Variants in TIAM1 observed in about 807,000 individuals in gnomAD.
TIAM1 encodes the protein rho guanine nucleotide exchange factor TIAM1.
TIAM1 carries 65 observed loss-of-function variants against 163.5 expected under a neutral mutation model. The ratio of observed to expected loss-of-function variants is 0.40; its 90% CI spans 0.33 to 0.49. The LOEUF (loss-of-function observed/expected upper bound fraction) is 0.49. Ranked by LOEUF, TIAM1 falls within the 20% of genes least tolerant of loss-of-function variation. The pLI is 0.77. For missense variants in TIAM1, 1,789 were observed against 2,044.7 expected, an observed-to-expected ratio of 0.87 and a Z score of 2.41; for synonymous variants, 833 against 810.1, an observed-to-expected ratio of 1.03 and a Z score of -0.48.
At chr21:31,388,130 C>A (rs1263182169) in intron 2 of TIAM1, among the ~76,000 whole-genome samples, 1 of 151,302 alleles carries the variant, frequency 6.6e-6, no homozygotes, top group South Asian at 2.1e-4. Context: ...GTGCTGTCTG[C>A]AAAACAACGA....
At chr21:31,537,308 C>A (rs1257500761) in intron 1 of TIAM1, among the ~76,000 whole-genome samples, 1 of 151,994 alleles carries the variant, frequency 6.6e-6, no homozygotes, top group African/African-American at 2.4e-5. Context: ...GGTCTTGGGA[C>A]TGAAGAGGAG....
chr21:31,348,911 A>G (rs1245823394), upstream of TIAM1, among the ~76,000 whole-genome samples: 1 of 152,208 alleles, frequency 6.6e-6, no homozygotes, highest in African/African-American at 2.4e-5. Flanking sequence ...AGTTTTCTCT[A>G]TCTGAAAACA....
At chr21:31,396,744 G>A (rs1379266169) in intron 2 of TIAM1, among the ~76,000 whole-genome samples, 1 of 151,898 alleles carries the variant, frequency 6.6e-6, no homozygotes, top group African/African-American at 2.4e-5. Context: ...GAGGTCAGGA[G>A]CTCAAGACCA....
At chr21:31,467,700 G>A (rs1487116321) in intron 1 of TIAM1, among the ~76,000 whole-genome samples, 1 of 151,920 alleles carries the variant, frequency 6.6e-6, no homozygotes, top group Non-Finnish European at 1.5e-5. Flanking sequence ...TGGCATGCCT[G>A]TAGTCCCAGC....
Position 31,395,399 on chromosome 21 carries a change from G to A in TIAM1, c.-368-55977C>T, listed in dbSNP as rs567599827. On this transcript the variant is annotated intron_variant, in intron 2 of 28. Transcript: ENST00000286827. The surrounding 1 kb of genome is among the most constrained non-coding windows in gnomAD (Gnocchi z 7.5). ...AGAAGCAGTCCACTGGGGACACGGT[G>A]CCGCTGCAGCCATGTGACAATAAGG... 6.6e-4 allele frequency among the ~76,000 whole-genome samples: 101 copies of A among 152,284 alleles called. 2 individuals carry two copies. Among genetic ancestry groups the A allele is most frequent in the Non-Finnish European group, 1.0e-3 (70 of 68,022 alleles).
At position 31,523,875 on chromosome 21, in the gene TIAM1, G is replaced by A. The variant is rs988935993; in HGVS notation, c.-422+35052C>T. ...GGAGGTTGCAGTGAGCTGAGATCGCGCCACTGCACTCCAGCCTGGGTGACA... is the reference window on the plus strand; with the variant it reads ...GGAGGTTGCAGTGAGCTGAGATCGCACCACTGCACTCCAGCCTGGGTGACA... On this transcript the variant is annotated intron_variant, in intron 1 of 28. Coordinates refer to the TIAM1 transcript ENST00000286827. Among the ~76,000 whole-genome samples the A allele has an allele frequency of 5.4e-5, 8 of 148,468 alleles. No homozygotes were observed. In the East Asian group the frequency reaches 7.9e-4, roughly 15 times the overall value.
At chr21:31,142,463 C>CAAAAAAAA (rs34368848) in intron 20 of TIAM1, among the ~76,000 whole-genome samples, 1,202 of 49,908 alleles carry the variant, frequency 0.024, no homozygotes, top group Middle Eastern at 0.059. Flanking sequence ...ACTAAAAATA[C>CAAAAAAAA]AAAAAAAAAA....
chr21:31,239,945 C>T (rs2071080557), intron 6 of TIAM1, among the ~76,000 whole-genome samples: 1 of 152,026 alleles, frequency 6.6e-6, no homozygotes, highest in South Asian at 2.1e-4. Flanking sequence ...TGTGCCTAAC[C>T]CATGACCCTG....
intron 16 of TIAM1, among the ~76,000 whole-genome samples, chr21:31,158,160 T>C (rs1258044069): frequency 1.3e-5 from 2 of 152,322 alleles, no homozygotes; most frequent in Middle Eastern, 3.4e-3. Context: ...CTCAGGTTAG[T>C]AGGATGCAGG....
intron 2 of TIAM1, among the ~76,000 whole-genome samples, chr21:31,382,028 C>T (rs2076787191): frequency 6.6e-6 from 1 of 152,154 alleles, no homozygotes; most frequent in Non-Finnish European, 1.5e-5. Context: ...TTCACTATAG[C>T]AGTTCAAACT....
chr21:31,148,213 T>G, intron 19 of TIAM1, among the ~76,000 whole-genome samples: 1 of 152,032 alleles, frequency 6.6e-6, no homozygotes, highest in East Asian at 1.9e-4. Context: ...GAGCCTGATA[T>G]GGTTTGGCTG....
At chr21:31,131,668 G>A (rs2082415566) in intron 23 of TIAM1, among the ~76,000 whole-genome samples, 1 of 152,186 alleles carries the variant, frequency 6.6e-6, no homozygotes, top group Non-Finnish European at 1.5e-5. Flanking sequence ...GGAATAGAAG[G>A]GTGACTGACT....
rs1315472963 is a variant in TIAM1, at chr21:31,233,523, G to A, written c.1585-7573C>T. Among the ~76,000 whole-genome samples the A allele has an allele frequency of 3.3e-5, 5 of 152,150 alleles. No individual in the cohort carries two copies. The East Asian group carries it at 9.6e-4, about 29-fold the overall frequency. Reference sequence around the variant, plus strand: ...AGTTCAAGATCATCCTGACCAACATGGTGAAAGTCCATCTCTACTAAAAAT... The same window carrying A: ...AGTTCAAGATCATCCTGACCAACATAGTGAAAGTCCATCTCTACTAAAAAT... On this transcript the variant is annotated intron_variant, in intron 6 of 27. Coordinates refer to ENST00000541036, the MANE Select transcript of TIAM1 (RefSeq NM_001353694.2).
At chr21:31,555,906 G>T (rs191041720) in intron 1 of TIAM1, among the ~76,000 whole-genome samples, 116 of 152,148 alleles carry the variant, frequency 7.6e-4, no homozygotes, top group African/African-American at 2.6e-3. Flanking sequence ...GCAGGAATCT[G>T]GGGGGAAGGA....
intron 2 of TIAM1, among the ~76,000 whole-genome samples, chr21:31,353,864 A>G (rs1315807116): frequency 2.3e-5 from 1 of 44,328 alleles, no homozygotes; most frequent in East Asian, 1.2e-3. Context: ...TTTGAGACAG[A>G]GTCTCACTCT....
Position 31,273,418 on chromosome 21 carries a change from T to C in TIAM1, c.-12+3314A>G, listed in dbSNP as rs372157445. ...TGCCTAGGACTGACCCAAAGCAAGA[T>C]AGCAAAAGCTTTGAGAACTGAATCA... On this transcript the variant is annotated intron_variant, in intron 3 of 27. Transcript: ENST00000541036. Among the ~76,000 whole-genome samples the C allele has an allele frequency of 6.6e-5, 10 of 152,310 alleles. No individual in the cohort carries two copies. The South Asian group carries it at 8.3e-4, about 13-fold the overall frequency.
In TIAM1 at chr21:31,120,798, C is replaced by T. The variant is rs768371774; in HGVS notation, c.4346G>A (p.Arg1449Gln). 1.7e-5 allele frequency: 28 copies of T among 1,613,422 alleles called. No individual in the cohort carries two copies. The South Asian group carries it at 2.4e-4, about 14-fold the overall frequency. ...AATGGTAAACCTGTTTCGAGCCAGC[C>T]GCCGCCTCCTCCTCCCAAGAGACTT... The part of the protein sequence containing the change: ...PSKSLGRRRR[R>Q]LARNRFTIDS... Residue 1449 changes from arginine to glutamine, a missense_variant, in exon 28 of 28, where the codon CGG becomes CAG. Transcript: ENST00000541036. The surrounding 1 kb of genome is among the most constrained non-coding windows in gnomAD (Gnocchi z 4.2).
chr21:31,506,865 C>T (rs555310845), intron 1 of TIAM1, among the ~76,000 whole-genome samples: 3 of 152,060 alleles, frequency 2.0e-5, no homozygotes, highest in Non-Finnish European at 4.4e-5. Context: ...TGCAGTGAGC[C>T]GAGATCGTGC....
intron 16 of TIAM1, among the ~76,000 whole-genome samples, chr21:31,164,613 C>T (rs573082817): frequency 1.2e-3 from 182 of 152,270 alleles, no homozygotes; most frequent in African/African-American, 4.2e-3. Flanking sequence ...GAAAGCATAG[C>T]TGACTCAATC....
Sources: allele counts gnomAD v4.1 joint callset (sites outside exome capture counted in the v4.1 genomes callset), GRCh38; gene constraint gnomAD v4.1.1; non-coding constraint Gnocchi (gnomAD v3.1); transcripts MANE v1.5; gene names NCBI Gene and HGNC (gene_info 2026-07-23, HGNC 2026-07-21).